The following ZMYM2 variants were observed in gnomAD, a reference collection of about 807,000 sequenced individuals.
ZMYM2 encodes zinc finger MYM-type protein 2.
Under a neutral mutation model 162.8 loss-of-function variants are expected in ZMYM2, and 56 were observed. The observed-to-expected ratio is 0.34, with a 90% CI of 0.28 to 0.43. ZMYM2 has a LOEUF of 0.43. Among genes scored for constraint, ZMYM2 ranks in the 20% least tolerant of loss-of-function variants. ZMYM2 has a pLI of 1.00. For missense variants in ZMYM2, 1,275 were observed against 1,621.8 expected (o/e 0.79, Z 3.67); for synonymous variants, 510 against 541.6 (o/e 0.94, Z 0.81).
rs773625628 is a variant in ZMYM2 at position 20,034,368 on chromosome 13, A to G, written c.2083A>G (p.Asn695Asp). ...GGAGAAGACTCTTCATGAAACAGTA[A>G]ATTTCTCTGGCGTTAAGAGACCTTT... The part of the protein sequence containing the change: ...QEEKTLHETV[N>D]FSGVKRPFCS... The change falls in exon 11 of 25, where the codon AAT becomes GAT. Residue 695 changes from asparagine to aspartate, a missense_variant. By Grantham distance (23) the Asn-to-Asp change is conservative (BLOSUM62 1). Transcript: ENST00000610343. 3.1e-6 allele frequency: 5 copies of G among 1,606,590 alleles called. No homozygotes were observed. The highest frequency in any genetic ancestry group is 4.2e-6 in the Non-Finnish European group (5 of 1,177,324).
At chr13:20,055,672 T>C (rs1955738425) in intron 14 of ZMYM2, among the ~76,000 whole-genome samples, 1 of 152,128 alleles carries the variant, frequency 6.6e-6, no homozygotes, top group Admixed American at 6.5e-5. Context: ...TTATCGTACA[T>C]CTAGAAAAAG....
chr13:19,974,104 A>G (rs777382146), intron 2 of ZMYM2, among the ~76,000 whole-genome samples: 2 of 152,204 alleles, frequency 1.3e-5, no homozygotes, highest in Non-Finnish European at 2.9e-5. Flanking sequence ...AAATCCCAGT[A>G]TATTTGCATA....
At chr13:20,074,031 C>T (rs561253137) in intron 21 of ZMYM2, among the ~76,000 whole-genome samples, 9 of 152,246 alleles carry the variant, frequency 5.9e-5, no homozygotes, top group Non-Finnish European at 1.0e-4. Context: ...TCCTTCTCTA[C>T]TGAGCCCTGT....
At chr13:20,040,344 A>C (rs1954133257) in intron 12 of ZMYM2, among the ~76,000 whole-genome samples, 1 of 151,880 alleles carries the variant, frequency 6.6e-6, no homozygotes, top group South Asian at 2.1e-4. Context: ...GAATTTGTCC[A>C]TTTCTTCTAG....
intron 12 of ZMYM2, among the ~76,000 whole-genome samples, chr13:20,045,043 C>A (rs1954632335): frequency 9.6e-6 from 1 of 104,392 alleles, no homozygotes; most frequent in Non-Finnish European, 1.8e-5. Flanking sequence ...GAGCAAGACT[C>A]TGTGTCAAAA....
intron 6 of ZMYM2, among the ~76,000 whole-genome samples, chr13:20,011,734 C>T (rs1438428976): frequency 6.6e-6 from 1 of 151,096 alleles, no homozygotes; most frequent in Non-Finnish European, 1.5e-5. Context: ...TGTGTGCCAC[C>T]ATGCCTAATT....
chr13:20,081,802 A>G (rs544686679), intron 21 of ZMYM2, among the ~76,000 whole-genome samples: 1 of 151,754 alleles, frequency 6.6e-6, no homozygotes, highest in East Asian at 1.9e-4. Flanking sequence ...TGGGGTGTGT[A>G]TTTCAGCTTT....
chr13:19,916,577 C>G, the ZMYM2 span, among the ~76,000 whole-genome samples: 5 of 152,070 alleles, frequency 3.3e-5, no homozygotes, highest in African/African-American at 1.2e-4. Flanking sequence ...ATGGATGAAG[C>G]TGGAAACCAT....
chr13:19,903,377 C>T, the ZMYM2 span, among the ~76,000 whole-genome samples: 3 of 150,184 alleles, frequency 2.0e-5, no homozygotes, highest in African/African-American at 7.3e-5. Flanking sequence ...CAGTGGCTCA[C>T]GCCTGTAATT....
intron 2 of ZMYM2, among the ~76,000 whole-genome samples, chr13:19,987,620 C>CGT (rs756005409): frequency 0.12 from 14,851 of 121,104 alleles, 1,323 homozygotes; most frequent in Non-Finnish European, 0.15. Flanking sequence ...GGGGTTTTGT[C>CGT]GTGTGTGTGT....
chr13:19,907,902 A>G, the ZMYM2 span, among the ~76,000 whole-genome samples: 1 of 152,108 alleles, frequency 6.6e-6, no homozygotes, highest in African/African-American at 2.4e-5. Context: ...AAGTTTACAC[A>G]TTGCATTTGC....
rs1955993228 is a variant in ZMYM2, at chr13:20,058,661, T to G, written c.2580T>G (p.Ala860=). 6 of 1,613,796 alleles carry G rather than the reference T, an allele frequency of 3.7e-6. No individual in the cohort carries two copies. The highest frequency in any genetic ancestry group is 5.1e-6 in the Non-Finnish European group (6 of 1,179,776). The part of the protein sequence containing the change: ...VLCKPLTMTK[A]TYCKPHMQTK... ...GCAAACCTTTAACAATGACAAAAGC[T>G]ACTTACTGTAAACCTCACATGCAGA... Residue 860 remains alanine (A), a synonymous_variant, in exon 15 of 25, where the codon GCT becomes GCG. Coordinates refer to ENST00000610343, the MANE Select transcript of ZMYM2 (RefSeq NM_197968.4).
chr13:19,977,880 G>GT (rs1245525008), intron 2 of ZMYM2, among the ~76,000 whole-genome samples: 2,584 of 135,720 alleles, frequency 0.019, 73 homozygotes, highest in East Asian at 0.13. Flanking sequence ...TATTTTAAAA[G>GT]TTTTTTTTTT....
chr13:20,018,242 A>T (rs569960434), intron 6 of ZMYM2, among the ~76,000 whole-genome samples: 1 of 152,332 alleles, frequency 6.6e-6, no homozygotes, highest in Admixed American at 6.5e-5. Context: ...TTATTACATA[A>T]ATAAAAATTA....
At chr13:19,883,724 T>A in the ZMYM2 span, among the ~76,000 whole-genome samples, 1 of 152,226 alleles carries the variant, frequency 6.6e-6, no homozygotes, top group Admixed American at 6.5e-5. Flanking sequence ...AGACTCTTAC[T>A]TCAAGATGTT....
At chr13:20,015,884 C>T (rs1053362309) in intron 6 of ZMYM2, among the ~76,000 whole-genome samples, 2 of 151,872 alleles carry the variant, frequency 1.3e-5, no homozygotes, top group African/African-American at 4.8e-5. Flanking sequence ...TAAATAAATC[C>T]TTCCTTATCA....
rs762101915 is a variant in ZMYM2, at chr13:20,058,828, AT to A, written c.2623+128del. On this transcript the variant is annotated intron_variant, in intron 15 of 24. Transcript: ENST00000610343. ...TTGGTCAATTTGTCATTTTCTGTTG[AT>A]TTTGCTTACGTAATTTTAGATATTA... is the stretch of plus-strand genomic sequence containing the variant. 4 of 1,338,568 alleles carry A rather than the reference AT, an allele frequency of 3.0e-6. No individual in the cohort carries two copies. The African/African-American group carries it at 5.8e-5, about 19-fold the overall frequency. The allele number at this position is 1,338,568 out of a possible 1,614,324, so 82.9% of individuals were successfully genotyped here. A position where few individuals can be genotyped will look rare whatever the true frequency, so the allele number is the denominator to read the frequency against.
chr13:20,083,519 G>T, intron 23 of ZMYM2, 137 bp from the exon 24 acceptor site: 1 of 661,328 alleles, frequency 1.5e-6, no homozygotes, highest in Admixed American at 3.3e-5. Flanking sequence ...TTGAAAAATT[G>T]TACATTACCA....
At chr13:20,050,168 T>G (rs1198464282) in intron 12 of ZMYM2, among the ~76,000 whole-genome samples, 2 of 151,950 alleles carry the variant, frequency 1.3e-5, no homozygotes, top group African/African-American at 4.8e-5. Flanking sequence ...TTAGTAGTCA[T>G]AATTTATACT....
Sources: gnomAD v4.1 joint callset for allele counts (sites outside exome capture counted in the v4.1 genomes callset) on GRCh38, gnomAD v4.1.1 for gene constraint, MANE v1.5 for transcripts, NCBI Gene and HGNC (gene_info 2026-07-23, HGNC 2026-07-21) for gene names.